The following WNT4 variants were observed in gnomAD, a reference collection of about 807,000 sequenced individuals.
WNT4 encodes the protein protein Wnt-4.
Under a neutral mutation model 34.5 loss-of-function variants are expected in WNT4, and 16 were observed. That is an observed-to-expected ratio of 0.46 (90% CI 0.31 to 0.70). The LOEUF is 0.70. Ranked by LOEUF, WNT4 falls within the 30% of genes least tolerant of loss-of-function variation. WNT4 has a pLI of 0.04. For synonymous variants in WNT4, 200 were observed against 211.9 expected (o/e 0.94, Z 0.49); for missense variants, 379 against 495.9 (o/e 0.76, Z 2.24).
At chr1:22,132,702 G>T (rs1645993504) in intron 1 of WNT4, among the ~76,000 whole-genome samples, 1 of 152,312 alleles carries the variant, frequency 6.6e-6, no homozygotes, top group South Asian at 2.1e-4. Flanking sequence ...GAGCTGCTGG[G>T]CTGCCGTGGC....
chr1:22,122,915 C>G (rs1645912975), intron 2 of WNT4, among the ~76,000 whole-genome samples: 1 of 152,190 alleles, frequency 6.6e-6, no homozygotes, highest in Non-Finnish European at 1.5e-5. Context: ...GCCCACCACC[C>G]ACTCTCCACT....
At chr1:22,120,839 G>A (rs1645891873) in intron 4 of WNT4, among the ~76,000 whole-genome samples, 1 of 152,188 alleles carries the variant, frequency 6.6e-6, no homozygotes, top group Non-Finnish European at 1.5e-5. Flanking sequence ...ACCTTGGGGA[G>A]TAGGCATCCA....
At chr1:22,125,568 G>A (rs1049134800) in intron 2 of WNT4, among the ~76,000 whole-genome samples, 9 of 152,182 alleles carry the variant, frequency 5.9e-5, no homozygotes, top group African/African-American at 2.2e-4. Context: ...GGACAGACAG[G>A]CCTGGGTTTG....
At chr1:22,125,778 T>A (rs1382695677) in intron 2 of WNT4, among the ~76,000 whole-genome samples, 3 of 152,158 alleles carry the variant, frequency 2.0e-5, no homozygotes, top group African/African-American at 4.8e-5. Flanking sequence ...AAGTTTTTAT[T>A]GCCTTTCCTG....
intron 1 of WNT4, among the ~76,000 whole-genome samples, chr1:22,138,390 G>T (rs1646038263): frequency 6.7e-6 from 1 of 149,634 alleles, no homozygotes; most frequent in African/African-American, 2.4e-5. Context: ...TGATTCCTGG[G>T]GGAATGATTT....
rs1646055750 is a variant in WNT4, at chr1:22,140,230, C to G, written c.77+2616G>C. ...AAAGACACAGTGCCAGCCATCATGC[C>G]TGCATGGACACCTGCCTCCCCGAAG... On this transcript the variant is annotated intron_variant, in intron 1 of 4. Transcript: ENST00000290167. This position sits in a 1 kb window ranked among gnomAD's most constrained non-coding sequence, Gnocchi z 5.9. 1 of 985,330 alleles carries G rather than the reference C, an allele frequency of 1.0e-6. No homozygotes were observed. The highest frequency in any genetic ancestry group is 4.7e-5 in the South Asian group (1 of 21,286). 61.0% of individuals were successfully genotyped at this position (985,330 alleles called of 1,614,324 possible).
chr1:22,121,293 A>G lies in WNT4; in HGVS notation c.506T>C (p.Phe169Ser). 6.3e-7 allele frequency: 1 copy of G among 1,598,750 alleles called. No individual in the cohort carries two copies. Among genetic ancestry groups the G allele is most frequent in the Non-Finnish European group, 8.5e-7 (1 of 1,170,732 alleles). ...CTTGCTTCTCTCCCGCACATCCACA[A>G]ACGACTGTGAGAAGGCCACACCGTA... is the stretch of plus-strand genomic sequence containing the variant. ...IAYGVAFSQS[F>S]VDVRERSKGA... The change falls in exon 4 of 5, where the codon TTT (phenylalanine) becomes TCT (serine). Residue 169 changes from phenylalanine (F) to serine (S), a missense_variant. Phe to Ser is a radical substitution (Grantham distance 155). Transcript: ENST00000290167.
At chr1:22,136,557 C>T (rs944163136) in intron 1 of WNT4, among the ~76,000 whole-genome samples, 1 of 152,148 alleles carries the variant, frequency 6.6e-6, no homozygotes, top group Non-Finnish European at 1.5e-5. Context: ...GGCTGAACCC[C>T]TACTCCCACC....
At chr1:22,125,745 A>G (rs1450565962) in intron 2 of WNT4, among the ~76,000 whole-genome samples, 1 of 152,166 alleles carries the variant, frequency 6.6e-6, no homozygotes, top group Non-Finnish European at 1.5e-5. Context: ...GCTGTCTACA[A>G]ATGGAGGACA....
intron 2 of WNT4, among the ~76,000 whole-genome samples, chr1:22,123,155 A>C (rs1201947407): frequency 2.0e-5 from 3 of 152,160 alleles, no homozygotes; most frequent in Admixed American, 6.5e-5. Flanking sequence ...CCCAAAGACC[A>C]AGGGGGAAGG....
chr1:22,129,753 C>A lies in WNT4; in HGVS notation c.176G>T (p.Arg59Leu). The stretch of plus-strand genomic sequence containing the variant: ...CACCGAGTCCATGACTTCCAGGTTC[C>A]GCTTGCACATCTGCACCTGCCTCTG... ...LIQRQVQMCK[R>L]NLEVMDSVRR... Residue 59 changes from arginine (R) to leucine (L), a missense_variant, in exon 2 of 5, where the codon CGG (arginine) becomes CTG (leucine). Arg to Leu is a moderately radical substitution (Grantham distance 102, BLOSUM62 -2). This residue lies in a region of WNT4 where 313 missense variants were observed against 445.8 expected (regional missense o/e 0.70). Coordinates refer to ENST00000290167, the MANE Select transcript of WNT4 (RefSeq NM_030761.5). The A allele has an allele frequency of 6.2e-7, 1 of 1,614,066 alleles. No individual in the cohort carries two copies. Among genetic ancestry groups the A allele is most frequent in the South Asian group, 1.1e-5 (1 of 91,080 alleles).
chr1:22,138,791 G>A lies in WNT4; in HGVS notation c.77+4055C>T, dbSNP rs953167274. 7.2e-5 allele frequency among the ~76,000 whole-genome samples: 11 copies of A among 152,300 alleles called. 1 individual carries two copies. The highest frequency in any genetic ancestry group is 4.1e-4 in the South Asian group (2 of 4,826). On this transcript the variant is annotated intron_variant, in intron 1 of 4. Transcript: ENST00000290167. ...TTGGCACTGCACATCTGGGCTGGCC[G>A]TGCCCCATCCCTGCCCCAGGGAGTT...
Position 22,137,684 on chromosome 1 carries a change from G to T in WNT4, c.77+5162C>A, listed in dbSNP as rs1646033065. Among the ~76,000 whole-genome samples, 2 of 152,252 alleles carry T rather than the reference G, an allele frequency of 1.3e-5. No individual in the cohort carries two copies. The highest frequency in any genetic ancestry group is 4.8e-5 in the African/African-American group (2 of 41,470). On this transcript the variant is annotated intron_variant, in intron 1 of 4. Transcript: ENST00000290167. This position sits in a 1 kb window ranked among gnomAD's most constrained non-coding sequence, Gnocchi z 5.3. ...GAAGAAAGTCAAACCATAGCAGACA[G>T]CTGGGTCGTGACTGCTGCCTGAGCA... is the stretch of plus-strand genomic sequence containing the variant.
rs900894096 is a variant in WNT4, at chr1:22,127,073, CA to C, written c.313+2542del. On this transcript the variant is annotated intron_variant, in intron 2 of 4. Transcript: ENST00000290167. ...GAGGAATTTTACTAGGGAAGAAAAC[CA>C]AAAACGTAAAAGGGAGGAGTTTGAT... 8.8e-6 allele frequency: 3 copies of C among 342,056 alleles called. No individual in the cohort carries two copies. The East Asian group carries it at 2.5e-4, about 28-fold the overall frequency. The allele number at this position is 342,056 out of a possible 1,614,324, so 21.2% of individuals were successfully genotyped here.
Position 22,120,055 on chromosome 1 carries a change from G to C in WNT4, c.1051C>G (p.Arg351Gly). ...GCGCAGGGCTAGGCAGGCGGTCATC[G>C]GCACGTGTGCAACTCCACGAGCCGC... ...CQRLVELHTC[R>G] The change falls in exon 5 of 5, where the codon CGA becomes GGA. Residue 351 changes from arginine to glycine, a missense_variant. Transcript: ENST00000290167. 6.2e-7 allele frequency: 1 copy of C among 1,607,202 alleles called. No homozygotes were observed.
Position 22,118,441 on chromosome 1 carries a change from T to A in WNT4, c.*1609A>T, listed in dbSNP as rs1645865647. On this transcript the variant is annotated 3_prime_UTR_variant, in exon 5 of 5. Transcript: ENST00000290167. Reference sequence around the variant, plus strand: ...CAAGGGCAAGGTCTTGATCCATGCATGTCCTTCTCACAAGCCTGGGCGGGG... The same window carrying A: ...CAAGGGCAAGGTCTTGATCCATGCAAGTCCTTCTCACAAGCCTGGGCGGGG... The A allele has an allele frequency of 6.6e-6, 1 of 152,266 alleles. No homozygotes were observed. Among genetic ancestry groups the A allele is most frequent in the Admixed American group, 6.5e-5 (1 of 15,278 alleles). The allele number at this position is 152,266 out of a possible 1,614,324, so 9.4% of individuals were successfully genotyped here.
chr1:22,119,672 G>GC lies in WNT4; in HGVS notation c.*377dup. 5.9e-6 allele frequency: 2 copies of GC among 338,192 alleles called. No homozygotes were observed. Among genetic ancestry groups the GC allele is most frequent in the Non-Finnish European group, 5.6e-6 (1 of 179,076 alleles). 20.9% of individuals were successfully genotyped at this position (338,192 alleles called of 1,614,324 possible). A position where few individuals can be genotyped will look rare whatever the true frequency, so the allele number is the denominator to read the frequency against. ...CGGTACCTATTTTCCCTGCCATAAG[G>GC]CCCCCTCTTCCCCGATGACACGGTC... On this transcript the variant is annotated 3_prime_UTR_variant, in exon 5 of 5. Transcript: ENST00000290167.
At chr1:22,123,500 C>T (rs914154017) in intron 2 of WNT4, among the ~76,000 whole-genome samples, 5 of 152,192 alleles carry the variant, frequency 3.3e-5, no homozygotes, top group Admixed American at 1.3e-4. Flanking sequence ...ATAATAATAA[C>T]GAGCTAAAGC....
chr1:22,120,732 G>C (rs1557922630), intron 4 of WNT4, among the ~76,000 whole-genome samples: 1 of 152,204 alleles, frequency 6.6e-6, no homozygotes, highest in Non-Finnish European at 1.5e-5. Context: ...GGGGCACTGG[G>C]AGTTGAAGAA....
Sources: allele counts gnomAD v4.1 joint callset (sites outside exome capture counted in the v4.1 genomes callset), GRCh38; gene constraint gnomAD v4.1.1; regional missense constraint gnomAD v4.1.1; non-coding constraint Gnocchi (gnomAD v3.1); transcripts MANE v1.5; gene names NCBI Gene and HGNC (gene_info 2026-07-23, HGNC 2026-07-21).